The following PLCB1 variants were observed in gnomAD, a reference collection of about 807,000 sequenced individuals.
PLCB1 encodes the protein 1-phosphatidylinositol 4,5-bisphosphate phosphodiesterase beta-1.
Under a neutral mutation model 161.8 loss-of-function variants are expected in PLCB1, and 46 were observed. That is an observed-to-expected ratio of 0.28 (90% confidence interval 0.22 to 0.36). The LOEUF is 0.36. Ranked by LOEUF, PLCB1 falls within the 10% of genes least tolerant of loss-of-function variation. The pLI is 1.00. For synonymous variants in PLCB1, 517 were observed against 503.7 expected (o/e 1.03, Z -0.35); for missense variants, 1,016 against 1,472.5 (o/e 0.69, Z 5.07).
intron 3 of PLCB1, among the ~76,000 whole-genome samples, chr20:8,464,116 C>G (rs1202157102): frequency 6.6e-6 from 1 of 152,172 alleles, no homozygotes; most frequent in Non-Finnish European, 1.5e-5. Flanking sequence ...ACATTGGCAG[C>G]AGTTTCTCCT....
rs75244999 is a variant in PLCB1, at chr20:8,743,825, G to A, written c.2523+2252G>A. Among the ~76,000 whole-genome samples the A allele has an allele frequency of 2.4e-3, 366 of 151,810 alleles. 1 individual carries two copies. Among genetic ancestry groups the A allele is most frequent in the African/African-American group, 8.5e-3 (352 of 41,368 alleles). ...AATAGTGCTTTTTCTCTTTTCCATGGCCTTTAAAAGATTAAGAAAGACTGT... is the reference window on the plus strand; with the variant it reads ...AATAGTGCTTTTTCTCTTTTCCATGACCTTTAAAAGATTAAGAAAGACTGT... On this transcript the variant is annotated intron_variant, in intron 23 of 31. Coordinates refer to ENST00000338037, the MANE Select transcript of PLCB1 (RefSeq NM_015192.4).
At chr20:8,147,294 C>T (rs2051463092) in intron 1 of PLCB1, among the ~76,000 whole-genome samples, 1 of 152,134 alleles carries the variant, frequency 6.6e-6, no homozygotes. Context: ...GTTTAAAAAC[C>T]ACAATCTTAT....
chr20:8,371,677 T>C (rs993328894), intron 3 of PLCB1: 10 of 393,496 alleles, frequency 2.5e-5, no homozygotes, highest in Non-Finnish European at 3.1e-5. Context: ...ATTTTGCCTT[T>C]GTTTGAAAAA....
chr20:8,742,175 A>C (rs1290977393), intron 23 of PLCB1, among the ~76,000 whole-genome samples: 1 of 152,138 alleles, frequency 6.6e-6, no homozygotes, highest in African/African-American at 2.4e-5. Context: ...AAATTTATAA[A>C]GCTTCTATGT....
At chr20:8,339,982 A>T (rs1211976362) in intron 2 of PLCB1, among the ~76,000 whole-genome samples, 2 of 152,064 alleles carry the variant, frequency 1.3e-5, no homozygotes, top group African/African-American at 4.8e-5. Flanking sequence ...TAAATAAACA[A>T]CTTTTAAAAA....
At chr20:8,190,895 G>A (rs1337248891) in intron 2 of PLCB1, among the ~76,000 whole-genome samples, 1 of 152,028 alleles carries the variant, frequency 6.6e-6, no homozygotes, top group African/African-American at 2.4e-5. Context: ...GGAGAAGCTG[G>A]CTGATTTGTT....
chr20:8,373,947 A>G (rs1056134353), intron 3 of PLCB1, among the ~76,000 whole-genome samples: 1 of 152,180 alleles, frequency 6.6e-6, no homozygotes, highest in African/African-American at 2.4e-5. Flanking sequence ...AATGACTGGA[A>G]TGTATTGAAA....
intron 3 of PLCB1, among the ~76,000 whole-genome samples, chr20:8,403,783 C>T (rs1470858606): frequency 6.6e-6 from 1 of 152,144 alleles, no homozygotes; most frequent in African/African-American, 2.4e-5. Context: ...AATCTATACT[C>T]ATTTTTAAAG....
chr20:8,681,086 G>GTGTGTATATATATATATA (rs1394518085), intron 9 of PLCB1, among the ~76,000 whole-genome samples: 18 of 73,830 alleles, frequency 2.4e-4, no homozygotes, highest in East Asian at 4.2e-4. Flanking sequence ...ATGTGTGTGT[G>GTGTGTATATATATATATA]TATATATATA....
chr20:8,764,575 C>A (rs1230259873), intron 25 of PLCB1, among the ~76,000 whole-genome samples: 1 of 152,140 alleles, frequency 6.6e-6, no homozygotes, highest in East Asian at 1.9e-4. Context: ...GTTAACAGCT[C>A]ATAACTTCTC....
intron 31 of PLCB1, among the ~76,000 whole-genome samples, chr20:8,869,385 T>C (rs1184053672): frequency 1.3e-5 from 2 of 152,128 alleles, no homozygotes; most frequent in Non-Finnish European, 2.9e-5. Context: ...AAGGAGAAAG[T>C]ATTCCAGTGC....
At chr20:8,353,042 G>GC (rs1180465917) in intron 2 of PLCB1, among the ~76,000 whole-genome samples, 1 of 152,086 alleles carries the variant, frequency 6.6e-6, no homozygotes, top group Non-Finnish European at 1.5e-5. Context: ...AGCATAACCA[G>GC]CCCCCTGAAC....
chr20:8,759,111 T>G (rs1981885290), intron 24 of PLCB1, among the ~76,000 whole-genome samples: 1 of 152,220 alleles, frequency 6.6e-6, no homozygotes, highest in South Asian at 2.1e-4. Flanking sequence ...TTTCATAACC[T>G]TGGTACTTTG....
chr20:8,752,624 C>T (rs577630902), intron 23 of PLCB1, among the ~76,000 whole-genome samples: 2 of 152,060 alleles, frequency 1.3e-5, no homozygotes, highest in East Asian at 3.9e-4. Context: ...GAAACCCCGT[C>T]TCTACTAAAA....
chr20:8,678,351 G>A (rs1044865180), intron 9 of PLCB1, among the ~76,000 whole-genome samples: 2 of 152,208 alleles, frequency 1.3e-5, no homozygotes, highest in African/African-American at 4.8e-5. Flanking sequence ...ATAAGAAAGA[G>A]CAATATTCTC....
intron 2 of PLCB1, among the ~76,000 whole-genome samples, chr20:8,218,495 G>A (rs1979247182): frequency 6.6e-6 from 1 of 152,030 alleles, no homozygotes; most frequent in East Asian, 1.9e-4. Flanking sequence ...CTGTGGCTTC[G>A]GGCCAGTGAT....
intron 3 of PLCB1, among the ~76,000 whole-genome samples, chr20:8,480,435 T>C (rs540426526): frequency 6.6e-6 from 1 of 152,294 alleles, no homozygotes; most frequent in Non-Finnish European, 1.5e-5. Context: ...AAGGAGATGT[T>C]CTGAAGAGCG....
chr20:8,189,483 T>A (rs76143829), intron 2 of PLCB1, among the ~76,000 whole-genome samples: 3 of 151,854 alleles, frequency 2.0e-5, no homozygotes, highest in Non-Finnish European at 4.4e-5. Flanking sequence ...GACATTTCCA[T>A]ATGAAATTTA....
intron 18 of PLCB1, among the ~76,000 whole-genome samples, chr20:8,731,157 A>G (rs1313010702): frequency 6.6e-6 from 1 of 151,818 alleles, no homozygotes; most frequent in Admixed American, 6.6e-5. Flanking sequence ...CACGATTAAG[A>G]GTAATTTGCT....
Sources: gnomAD v4.1 joint callset for allele counts (sites outside exome capture counted in the v4.1 genomes callset) on GRCh38, gnomAD v4.1.1 for gene constraint, MANE v1.5 for transcripts, NCBI Gene and HGNC (gene_info 2026-07-23, HGNC 2026-07-21) for gene names.